MRPS6: variants seen among roughly 807,000 people sequenced by gnomAD.
The protein encoded by MRPS6 is small ribosomal subunit protein bS6m.
A neutral mutation model predicts 13.1 loss-of-function variants in MRPS6; 6 were observed. The ratio of observed to expected loss-of-function variants is 0.46; its 90% CI spans 0.25 to 0.91. MRPS6 has a LOEUF of 0.91. Among genes scored for constraint, MRPS6 ranks in the 40% least tolerant of loss-of-function variants. MRPS6 has a pLI of 0.18. For synonymous variants in MRPS6, 61 were observed against 56.5 expected, an observed-to-expected ratio of 1.08 and a Z score of -0.36; for missense variants, 164 against 155.6, an observed-to-expected ratio of 1.05 and a Z score of -0.29.
At chr21:34,138,972 T>C (rs890989001) in intron 2 of MRPS6, among the ~76,000 whole-genome samples, 1 of 150,506 alleles carries the variant, frequency 6.6e-6, no homozygotes, top group Non-Finnish European at 1.5e-5. Flanking sequence ...ATTAAGAAAA[T>C]GTGGCACATA....
At chr21:34,135,444 C>G (rs1980660967) in intron 2 of MRPS6, 2 of 467,500 alleles carry the variant, frequency 4.3e-6, no homozygotes, top group African/African-American at 4.3e-5. Flanking sequence ...AGCGGTTGGA[C>G]TTGGCCACAC....
chr21:34,094,591 T>C (rs1324341384), intron 1 of MRPS6, among the ~76,000 whole-genome samples: 1 of 152,232 alleles, frequency 6.6e-6, no homozygotes, highest in African/African-American at 2.4e-5. Flanking sequence ...AATGCTGTGG[T>C]AGGCAGTTAG....
At chr21:34,105,675 A>G in intron 1 of MRPS6, 8 of 997,756 alleles carry the variant, frequency 8.0e-6, no homozygotes, top group Non-Finnish European at 9.7e-6. Flanking sequence ...GTTGATGAAC[A>G]TTAATTTTGT....
chr21:34,126,717 G>A (rs1488046044), intron 2 of MRPS6, among the ~76,000 whole-genome samples: 1 of 152,180 alleles, frequency 6.6e-6, no homozygotes, highest in East Asian at 1.9e-4. Context: ...AGTCATTAGC[G>A]CAGTTCTTGG....
intron 1 of MRPS6, among the ~76,000 whole-genome samples, chr21:34,112,830 TATTTC>T (rs1236704240): frequency 6.6e-6 from 1 of 152,108 alleles, no homozygotes; most frequent in African/African-American, 2.4e-5. Flanking sequence ...TTGCCTGTCT[TATTTC>T]ATTTAACATA....
intron 2 of MRPS6, chr21:34,135,755 A>G: frequency 2.1e-6 from 1 of 466,342 alleles, no homozygotes; most frequent in Admixed American, 2.5e-5. Flanking sequence ...AGGTGGATGA[A>G]ATGGAAGGCA....
intron 1 of MRPS6, among the ~76,000 whole-genome samples, chr21:34,108,588 C>T (rs1473040939): frequency 6.6e-6 from 1 of 152,180 alleles, no homozygotes; most frequent in Non-Finnish European, 1.5e-5. Context: ...AGCCTTCCCT[C>T]GGTGTTTGTA....
chr21:34,125,467 C>T lies in MRPS6; in HGVS notation c.172C>T (p.His58Tyr). The T allele has an allele frequency of 6.2e-7, 1 of 1,613,902 alleles. No homozygotes were observed. Among genetic ancestry groups the T allele is most frequent in the Non-Finnish European group, 8.5e-7 (1 of 1,179,886 alleles). The change falls in exon 2 of 3, where the codon CAC (histidine) becomes TAC (tyrosine). Residue 58 changes from histidine (H) to tyrosine (Y), a missense_variant. Physicochemically the swap from His to Tyr is moderately conservative, Grantham distance 83. Transcript: ENST00000399312. ...TAGGATCTCTGCCCACAGTCAGCAGCACAACAGAGGCGGGTAAGTTTCTTC... is the reference window on the plus strand; with the variant it reads ...TAGGATCTCTGCCCACAGTCAGCAGTACAACAGAGGCGGGTAAGTTTCTTC... ...PYRISAHSQQ[H>Y]NRGGYFLVDF...
intron 1 of MRPS6, among the ~76,000 whole-genome samples, chr21:34,084,700 T>C (rs918044544): frequency 6.6e-6 from 1 of 152,232 alleles, no homozygotes; most frequent in Non-Finnish European, 1.5e-5. Context: ...TCATACGTAA[T>C]GGTAAATACA....
At position 34,122,418 on chromosome 21, in the gene MRPS6, C is replaced by T. The variant is rs139225826; in HGVS notation, c.46-2923C>T. ...GAAATTAAAGTGAGATGAATGTGGCCATTCCAGTAGTCTACAGTTTGACCT... is the reference window on the plus strand; with the variant it reads ...GAAATTAAAGTGAGATGAATGTGGCTATTCCAGTAGTCTACAGTTTGACCT... On this transcript the variant is annotated intron_variant, in intron 1 of 2. Transcript: ENST00000399312. 2.0e-5 allele frequency: 3 copies of T among 152,240 alleles called. No individual in the cohort carries two copies. The East Asian group carries it at 5.8e-4, about 29-fold the overall frequency. The allele number at this position is 152,240 out of a possible 1,614,324, so 9.4% of individuals were successfully genotyped here. A position where few individuals can be genotyped will look rare whatever the true frequency, so the allele number is the denominator to read the frequency against.
intron 1 of MRPS6, among the ~76,000 whole-genome samples, chr21:34,115,840 C>T (rs1396278239): frequency 6.6e-6 from 1 of 151,766 alleles, no homozygotes; most frequent in East Asian, 1.9e-4. Flanking sequence ...AAATGGAATA[C>T]TCCACTTGTT....
At chr21:34,128,758 G>C (rs1013719224) in intron 2 of MRPS6, among the ~76,000 whole-genome samples, 1 of 152,208 alleles carries the variant, frequency 6.6e-6, no homozygotes, top group African/African-American at 2.4e-5. Context: ...AACTGGGGGA[G>C]TCATGCGTGT....
rs1399493623 is a variant in MRPS6 at position 34,073,650 on chromosome 21, G to A, written c.-51G>A. ...ACTGTCCCCGCCGTCCCGCCCCTTC[G>A]CGTCCCGGGAACCGGCTGGCTTCCG... On this transcript the variant is annotated 5_prime_UTR_variant, in exon 1 of 3. Coordinates refer to ENST00000399312, the MANE Select transcript of MRPS6 (RefSeq NM_032476.4). 2 of 1,489,582 alleles carry A rather than the reference G, an allele frequency of 1.3e-6. No individual in the cohort carries two copies. Among genetic ancestry groups the A allele is most frequent in the South Asian group, 1.2e-5 (1 of 85,120 alleles). 92.3% of individuals were successfully genotyped at this position (1,489,582 alleles called of 1,614,324 possible).
intron 1 of MRPS6, chr21:34,102,906 G>T: frequency 1.0e-6 from 1 of 999,592 alleles, no homozygotes. Context: ...GCACAAGTTG[G>T]CAGTAGGTAT....
At chr21:34,108,536 C>T (rs1569420579) in intron 1 of MRPS6, among the ~76,000 whole-genome samples, 1 of 152,198 alleles carries the variant, frequency 6.6e-6, no homozygotes, top group Non-Finnish European at 1.5e-5. Context: ...TGCACATCTA[C>T]AGATGCCTCC....
chr21:34,140,282 T>G (rs1370368414), intron 2 of MRPS6, among the ~76,000 whole-genome samples: 1 of 152,178 alleles, frequency 6.6e-6, no homozygotes, highest in Non-Finnish European at 1.5e-5. Flanking sequence ...AGTATTGCTT[T>G]CATGGCATCC....
rs1989343493 is a variant in MRPS6, at chr21:34,076,825, TA to T, written c.45+3085del. Among the ~76,000 whole-genome samples, 6 of 152,312 alleles carry T rather than the reference TA, an allele frequency of 3.9e-5. No individual in the cohort carries two copies. In the South Asian group the frequency reaches 1.2e-3, roughly 32 times the overall value. On this transcript the variant is annotated intron_variant, in intron 1 of 2. Coordinates refer to ENST00000399312, the MANE Select transcript of MRPS6 (RefSeq NM_032476.4). ...CATATTTATAGAAGAGTCTCTGGAA[TA>T]AAAAGATTTTAAAAGTCCTGTTACA...
At chr21:34,105,093 T>G in intron 1 of MRPS6, 1 of 1,000,188 alleles carries the variant, frequency 1.0e-6, no homozygotes, top group Non-Finnish European at 1.2e-6. Flanking sequence ...AGCTTTATTT[T>G]TTTTAATAAT....
At chr21:34,106,303 T>G (rs1030344897) in intron 1 of MRPS6, 1 of 379,338 alleles carries the variant, frequency 2.6e-6, no homozygotes, top group African/African-American at 2.2e-5. Context: ...ACTGCCACAA[T>G]GTAGTGTTCT....
Sources: allele counts gnomAD v4.1 joint callset (sites outside exome capture counted in the v4.1 genomes callset), GRCh38; gene constraint gnomAD v4.1.1; transcripts MANE v1.5; gene names NCBI Gene and HGNC (gene_info 2026-07-23, HGNC 2026-07-21).